Variants in ASNS observed in about 807,000 individuals in gnomAD.
ASNS encodes the protein asparagine synthetase (glutamine-hydrolyzing), also known as asparagine synthetase [glutamine-hydrolyzing].
ASNS carries 37 observed loss-of-function variants against 62.6 expected under a neutral mutation model. That is an observed-to-expected ratio of 0.59 (90% CI 0.45 to 0.78). ASNS has a LOEUF of 0.78. Ranked by LOEUF, ASNS falls within the 30% of genes least tolerant of loss-of-function variation. ASNS has a pLI of 0.00. For synonymous variants in ASNS, 207 were observed against 237.9 expected (o/e 0.87, Z 1.19); for missense variants, 520 against 682.4 (o/e 0.76, Z 2.65).
rs1032104816 is a variant in ASNS, at chr7:97,853,447, G to T, written c.1239-61C>A. On this transcript the variant is annotated intron_variant, in intron 10 of 12. Transcript: ENST00000394308. ...GGGTATTTAGTGCCTGCCAGGTTAG[G>T]TTCTGATTCAGTTTCCCATCAATTC... is the stretch of plus-strand genomic sequence containing the variant. The T allele has an allele frequency of 3.6e-6, 5 of 1,398,428 alleles. No homozygotes were observed. The Admixed American group carries it at 7.1e-5, about 20-fold the overall frequency. The allele number at this position is 1,398,428 out of a possible 1,614,324, so 86.6% of individuals were successfully genotyped here.
At chr7:97,912,573 T>TC in the ASNS span, among the ~76,000 whole-genome samples, 1 of 82,012 alleles carries the variant, frequency 1.2e-5, no homozygotes, top group East Asian at 2.7e-4. Flanking sequence ...TGCTTTTTTT[T>TC]TTTTTTTTTT....
the ASNS span, among the ~76,000 whole-genome samples, chr7:97,922,564 T>C: frequency 2.0e-5 from 3 of 152,116 alleles, no homozygotes; most frequent in African/African-American, 7.2e-5. Flanking sequence ...TGGAAATCAC[T>C]AAGAGAGCAG....
the ASNS span, among the ~76,000 whole-genome samples, chr7:97,905,615 T>A: frequency 1.3e-5 from 2 of 152,304 alleles, no homozygotes; most frequent in Non-Finnish European, 1.5e-5. Context: ...CTCAACTCAC[T>A]TCCATCTCAC....
chr7:97,920,368 GC>G, the ASNS span, among the ~76,000 whole-genome samples: 1 of 151,180 alleles, frequency 6.6e-6, no homozygotes, highest in Non-Finnish European at 1.5e-5. Flanking sequence ...GGCCCGTCCT[GC>G]CCCCCTCCAG....
At chr7:97,869,627 T>C (rs147085974) in intron 2 of ASNS, among the ~76,000 whole-genome samples, 151 bp downstream of exon 2, 7 of 152,278 alleles carry the variant, frequency 4.6e-5, no homozygotes, top group Non-Finnish European at 8.8e-5. Flanking sequence ...ATTACTAGAG[T>C]CTCCTCTCAG....
the ASNS span, among the ~76,000 whole-genome samples, chr7:97,905,979 T>A: frequency 2.0e-5 from 3 of 152,234 alleles, no homozygotes; most frequent in Non-Finnish European, 4.4e-5. Context: ...TGCAGATGGC[T>A]ATGAAGTTTG....
the ASNS span, among the ~76,000 whole-genome samples, chr7:97,920,247 G>A: frequency 9.2e-5 from 14 of 152,142 alleles, no homozygotes; most frequent in African/African-American, 2.9e-4. Flanking sequence ...CAGGCGATCC[G>A]CCCACCTTGG....
At chr7:97,912,096 C>T in the ASNS span, among the ~76,000 whole-genome samples, 2 of 152,170 alleles carry the variant, frequency 1.3e-5, no homozygotes, top group South Asian at 4.1e-4. Flanking sequence ...GCTGGGACTC[C>T]TCCCGCAAGT....
chr7:97,882,575 A>C, the ASNS span, among the ~76,000 whole-genome samples: 1 of 144,236 alleles, frequency 6.9e-6, no homozygotes, highest in Admixed American at 7.0e-5. Flanking sequence ...AATAAATACC[A>C]CCGATATGAA....
At chr7:97,861,245 CTCG>C (rs1791704454) in intron 4 of ASNS, among the ~76,000 whole-genome samples, 1 of 151,812 alleles carries the variant, frequency 6.6e-6, no homozygotes, top group Admixed American at 6.6e-5. Flanking sequence ...ATCTCCTGAC[CTCG>C]TGATCCACCC....
the ASNS span, among the ~76,000 whole-genome samples, chr7:97,918,374 G>T: frequency 3.3e-5 from 5 of 152,200 alleles, no homozygotes; most frequent in Non-Finnish European, 5.9e-5. Context: ...CAAGTGATGT[G>T]TGTAAGGAAA....
the ASNS span, among the ~76,000 whole-genome samples, chr7:97,910,186 A>G: frequency 6.6e-6 from 1 of 152,280 alleles, no homozygotes; most frequent in African/African-American, 2.4e-5. Context: ...GAGCTTTTGC[A>G]AACCTAGGTC....
At chr7:97,902,477 C>T in the ASNS span, among the ~76,000 whole-genome samples, 96 of 152,156 alleles carry the variant, frequency 6.3e-4, no homozygotes, top group African/African-American at 1.6e-3. Flanking sequence ...TTTGGGAGGC[C>T]GAGATGAGCA....
chr7:97,880,653 A>C, the ASNS span, among the ~76,000 whole-genome samples: 1 of 152,192 alleles, frequency 6.6e-6, no homozygotes, highest in South Asian at 2.1e-4. Flanking sequence ...ATCCCAGTGC[A>C]TTTTGAGGCA....
chr7:97,927,166 C>T, the ASNS span, among the ~76,000 whole-genome samples: 9 of 150,978 alleles, frequency 6.0e-5, no homozygotes, highest in East Asian at 1.8e-3. Flanking sequence ...GCGATCCTCC[C>T]CCTTCGGCCT....
intron 3 of ASNS, among the ~76,000 whole-genome samples, chr7:97,867,057 C>T (rs1330509360): frequency 3.1e-5 from 4 of 129,590 alleles, no homozygotes; most frequent in Non-Finnish European, 7.3e-5. Context: ...GGATGTATTA[C>T]TTCCTACTCT....
chr7:97,854,783 C>G, intron 9 of ASNS, 103 bp from the exon 10 acceptor site: 1 of 1,562,490 alleles, frequency 6.4e-7, no homozygotes, highest in Non-Finnish European at 8.7e-7. Flanking sequence ...AAAAGTTAAA[C>G]AAATTTAGGG....
chr7:97,859,157 T>C (rs1791596244), intron 5 of ASNS, 56 bp downstream of exon 5: 3 of 1,546,194 alleles, frequency 1.9e-6, no homozygotes. Context: ...AGAATACAAC[T>C]TAAAATTTTT....
At chr7:97,864,861 A>G (rs1361262990) in intron 3 of ASNS, among the ~76,000 whole-genome samples, 1 of 152,182 alleles carries the variant, frequency 6.6e-6, no homozygotes, top group African/African-American at 2.4e-5. Context: ...AATGTTTGGA[A>G]CCAGAAGTGT....
Sources: allele counts gnomAD v4.1 joint callset (sites outside exome capture counted in the v4.1 genomes callset), GRCh38; gene constraint gnomAD v4.1.1; transcripts MANE v1.5; gene names NCBI Gene and HGNC (gene_info 2026-07-23, HGNC 2026-07-21).